CRMP1: variants seen among roughly 807,000 people sequenced by gnomAD.
The protein encoded by CRMP1 is collapsin response mediator protein 1, also known as dihydropyrimidinase-related protein 1.
Under a neutral mutation model 68.3 loss-of-function variants are expected in CRMP1, and 19 were observed. The observed-to-expected ratio is 0.28, with a 90% CI of 0.19 to 0.41. The LOEUF (loss-of-function observed/expected upper bound fraction) is 0.41, where lower values mean the gene tolerates loss of function less well. Among genes scored for constraint, CRMP1 ranks in the 10% least tolerant of loss-of-function variants. CRMP1 has a pLI of 1.00. For missense variants in CRMP1, 791 were observed against 967.4 expected (o/e 0.82, Z 2.42); for synonymous variants, 439 against 399.6 (o/e 1.10, Z -1.18).
Position 5,862,294 on chromosome 4 carries a change from T to G in CRMP1, c.471-1084A>C, listed in dbSNP as rs190604490. On this transcript the variant is annotated intron_variant, in intron 2 of 13. Transcript: ENST00000324989. Reference sequence around the variant, plus strand: ...TTACCCCCAGAATGTCCACTGCCATTGCTTATAATAACCAATCCCTTACCC... The same window carrying G: ...TTACCCCCAGAATGTCCACTGCCATGGCTTATAATAACCAATCCCTTACCC... Among the ~76,000 whole-genome samples the G allele has an allele frequency of 3.6e-3, 534 of 148,154 alleles. 1 individual carries two copies. Among genetic ancestry groups the G allele is most frequent in the Middle Eastern group, 0.017 (5 of 294 alleles).
At chr4:5,857,219 GCAC>G (rs999539419) in intron 3 of CRMP1, among the ~76,000 whole-genome samples, 10 of 144,208 alleles carry the variant, frequency 6.9e-5, no homozygotes, top group Non-Finnish European at 1.2e-4. Flanking sequence ...CCCATCACCA[GCAC>G]CACCATCATC....
chr4:5,841,792 T>C lies in CRMP1; in HGVS notation c.1033-364A>G, dbSNP rs1199707771. On this transcript the variant is annotated intron_variant, in intron 7 of 13. Coordinates refer to ENST00000324989, the MANE Select transcript of CRMP1 (RefSeq NM_001014809.3). This position sits in a 1 kb window ranked among gnomAD's most constrained non-coding sequence, Gnocchi z 6.9. ...AGGACACGGAACCTGTCCACTCATG[T>C]GGACTCATGTCTGTGTCCCCTGTGT... Among the ~76,000 whole-genome samples the C allele has an allele frequency of 2.6e-5, 4 of 152,216 alleles. No homozygotes were observed. The highest frequency in any genetic ancestry group is 7.2e-5 in the African/African-American group (3 of 41,452).
chr4:5,835,201 C>G (rs1720653923), intron 11 of CRMP1, among the ~76,000 whole-genome samples: 1 of 152,246 alleles, frequency 6.6e-6, no homozygotes, highest in Non-Finnish European at 1.5e-5. Context: ...TGTGCTTGCA[C>G]AGACTCCAGT....
intron 13 of CRMP1, among the ~76,000 whole-genome samples, chr4:5,823,075 T>C (rs1718944511): frequency 6.6e-6 from 1 of 152,212 alleles, no homozygotes; most frequent in Non-Finnish European, 1.5e-5. Context: ...TGGCCCCAGG[T>C]AGTTGTCACC....
chr4:5,872,707 A>G lies in CRMP1; in HGVS notation c.382-5951T>C, dbSNP rs754675092. Among the ~76,000 whole-genome samples, 3 of 152,218 alleles carry G rather than the reference A, an allele frequency of 2.0e-5. No homozygotes were observed. The highest frequency in any genetic ancestry group is 1.3e-4 in the Admixed American group (2 of 15,276). On this transcript the variant is annotated intron_variant, in intron 1 of 13. Transcript: ENST00000324989. This position sits in a 1 kb window ranked among gnomAD's most constrained non-coding sequence, Gnocchi z 4.6. ...ATCTCAAAAAACAATTATTATGTATAAACCTTGAAGAAATAAAGCATCTCA... is the reference window on the plus strand; with the variant it reads ...ATCTCAAAAAACAATTATTATGTATGAACCTTGAAGAAATAAAGCATCTCA...
Position 5,888,553 on chromosome 4 carries a change from G to C in CRMP1, c.381+4036C>G. The C allele has an allele frequency of 1.8e-6, 2 of 1,137,600 alleles. No homozygotes were observed. The highest frequency in any genetic ancestry group is 1.6e-5 in the African/African-American group (1 of 61,734). 70.5% of individuals were successfully genotyped at this position (1,137,600 alleles called of 1,614,324 possible). On this transcript the variant is annotated intron_variant, in intron 1 of 13. Transcript: ENST00000324989. This position sits in a 1 kb window ranked among gnomAD's most constrained non-coding sequence, Gnocchi z 6.4. ...GGGGCTGCAGACAGCTCCTCCCGGC[G>C]GCGCGGAGCGAAGCCGGATTCGCCC...
Position 5,877,645 on chromosome 4 carries a change from C to T in CRMP1, c.382-10889G>A, listed in dbSNP as rs771983327. ...AGCCTGAATCTAATTAACACACATT[C>T]GTTCCCCCTCTCACGGGTAGGGGAC... On this transcript the variant is annotated intron_variant, in intron 1 of 13. Transcript: ENST00000324989. The surrounding 1 kb of genome is among the most constrained non-coding windows in gnomAD (Gnocchi z 4.3). 5.3e-5 allele frequency among the ~76,000 whole-genome samples: 8 copies of T among 152,234 alleles called. No individual in the cohort carries two copies. The highest frequency in any genetic ancestry group is 8.8e-5 in the Non-Finnish European group (6 of 68,040).
intron 4 of CRMP1, among the ~76,000 whole-genome samples, chr4:5,852,580 A>C (rs1006633406): frequency 6.6e-6 from 1 of 152,224 alleles, no homozygotes; most frequent in African/African-American, 2.4e-5. Flanking sequence ...GCATGTGCTA[A>C]GCACTTGAGA....
intron 1 of CRMP1, among the ~76,000 whole-genome samples, chr4:5,867,167 A>T (rs756868085): frequency 4.6e-5 from 7 of 152,126 alleles, no homozygotes; most frequent in Non-Finnish European, 1.0e-4. Flanking sequence ...ATCCCAACGA[A>T]CTCAATTAAC....
chr4:5,830,437 T>C (rs1720284488), intron 11 of CRMP1, among the ~76,000 whole-genome samples: 1 of 152,234 alleles, frequency 6.6e-6, no homozygotes, highest in Admixed American at 6.5e-5. Context: ...TTCAAAATTA[T>C]CATTCTTTCA....
rs1715949064 is a variant in CRMP1, at chr4:5,891,513, T to C, written c.381+1076A>G. Among the ~76,000 whole-genome samples the C allele has an allele frequency of 6.6e-6, 1 of 152,174 alleles. No homozygotes were observed. The highest frequency in any genetic ancestry group is 1.5e-5 in the Non-Finnish European group (1 of 68,038). On this transcript the variant is annotated intron_variant, in intron 1 of 13. Transcript: ENST00000324989. The surrounding 1 kb of genome is among the most constrained non-coding windows in gnomAD (Gnocchi z 5.2). ...ATTGAATGCTCACTACCGACCGGCA[T>C]TAACTGATTTAATTCTCACAATGAA... is the stretch of plus-strand genomic sequence containing the variant.
intron 6 of CRMP1, among the ~76,000 whole-genome samples, chr4:5,846,368 G>A (rs555482351): frequency 6.6e-6 from 1 of 152,178 alleles, no homozygotes; most frequent in Non-Finnish European, 1.5e-5. Context: ...GACCATCTCA[G>A]TCAAACTACA....
Position 5,892,890 on chromosome 4 carries a change from G to A in CRMP1, c.80C>T (p.Thr27Ile), listed in dbSNP as rs745500762. 4 of 1,402,060 alleles carry A rather than the reference G, an allele frequency of 2.9e-6. No homozygotes were observed. The highest frequency in any genetic ancestry group is 6.5e-5 in the East Asian group (2 of 30,762). The allele number at this position is 1,402,060 out of a possible 1,614,324, so 86.9% of individuals were successfully genotyped here. The change falls in exon 1 of 14, where the codon ACC becomes ATC. Residue 27 changes from threonine to isoleucine, a missense_variant. Thr to Ile is a moderately conservative substitution (Grantham distance 89). Transcript: ENST00000324989. This position sits in a 1 kb window ranked among gnomAD's most constrained non-coding sequence, Gnocchi z 8.6. ...CATGCCGCCGTACTTCTGGCGCGGGGTCTGCGCCGCGCTGCCCGGCCGCGC... is the reference window on the plus strand; with the variant it reads ...CATGCCGCCGTACTTCTGGCGCGGGATCTGCGCCGCGCTGCCCGGCCGCGC... ...YLARPGSAAQTPRQKYGGMFA... is the reference protein window; with the variant it reads ...YLARPGSAAQIPRQKYGGMFA...
At position 5,891,270 on chromosome 4, in the gene CRMP1, T is replaced by G. The variant is rs564116651; in HGVS notation, c.381+1319A>C. Among the ~76,000 whole-genome samples the G allele has an allele frequency of 1.0e-3, 124 of 120,284 alleles. 3 individuals are homozygous for G. In the South Asian group the frequency reaches 0.037, roughly 36 times the overall value. 78.9% of individuals were successfully genotyped at this position (120,284 alleles called of 152,430 possible). A position where few individuals can be genotyped will look rare whatever the true frequency, so the allele number is the denominator to read the frequency against. On this transcript the variant is annotated intron_variant, in intron 1 of 13. Transcript: ENST00000324989. This position sits in a 1 kb window ranked among gnomAD's most constrained non-coding sequence, Gnocchi z 5.2. ...CCGGCTTCAGGACCACGGAGAGCTC[T>G]GGAGCAACAGCCCGCCCGCGAAGGG... is the stretch of plus-strand genomic sequence containing the variant.
chr4:5,840,187 G>A (rs1165025589), intron 8 of CRMP1, among the ~76,000 whole-genome samples: 1 of 152,202 alleles, frequency 6.6e-6, no homozygotes, highest in Non-Finnish European at 1.5e-5. Flanking sequence ...CTGGCACTCA[G>A]TCCTGCTCGG....
chr4:5,843,508 C>T lies in CRMP1; in HGVS notation c.964-347G>A, dbSNP rs553677337. ...TGCAGGCCTCTCCTCTGGGAAGAAA[C>T]GTGGTGTTTGGGTACAACATGGATA... On this transcript the variant is annotated intron_variant, in intron 6 of 13. Coordinates refer to ENST00000324989, the MANE Select transcript of CRMP1 (RefSeq NM_001014809.3). The surrounding 1 kb of genome is among the most constrained non-coding windows in gnomAD (Gnocchi z 4.1). 5.1e-4 allele frequency among the ~76,000 whole-genome samples: 77 copies of T among 152,224 alleles called. No homozygotes were observed. Among genetic ancestry groups the T allele is most frequent in the African/African-American group, 1.7e-3 (69 of 41,536 alleles).
rs1011139783 is a variant in CRMP1 at position 5,859,860 on chromosome 4, G to C, written c.655+1166C>G. 2.6e-5 allele frequency among the ~76,000 whole-genome samples: 4 copies of C among 152,174 alleles called. No individual in the cohort carries two copies. The highest frequency in any genetic ancestry group is 9.7e-5 in the African/African-American group (4 of 41,432). On this transcript the variant is annotated intron_variant, in intron 3 of 13. Coordinates refer to ENST00000324989, the MANE Select transcript of CRMP1 (RefSeq NM_001014809.3). This position sits in a 1 kb window ranked among gnomAD's most constrained non-coding sequence, Gnocchi z 5.2. Reference sequence around the variant, plus strand: ...AAAGGGACTCCTTTGTGAAGGAGCGGGAGAGATGGGCAGGGTTGGGGCCAG... The same window carrying C: ...AAAGGGACTCCTTTGTGAAGGAGCGCGAGAGATGGGCAGGGTTGGGGCCAG...
chr4:5,822,354 G>A (rs1718758591), intron 13 of CRMP1, among the ~76,000 whole-genome samples: 1 of 152,100 alleles, frequency 6.6e-6, no homozygotes, highest in Non-Finnish European at 1.5e-5. Context: ...ATGATCTTAG[G>A]CACACTGTCC....
At position 5,843,968 on chromosome 4, in the gene CRMP1, A is replaced by G. The variant is rs1235338081; in HGVS notation, c.964-807T>C. Among the ~76,000 whole-genome samples, 4 of 136,080 alleles carry G rather than the reference A, an allele frequency of 2.9e-5. No homozygotes were observed. Among genetic ancestry groups the G allele is most frequent in the African/African-American group, 1.2e-4 (4 of 33,338 alleles). The allele number at this position is 136,080 out of a possible 152,430, so 89.3% of individuals were successfully genotyped here. A position where few individuals can be genotyped will look rare whatever the true frequency, so the allele number is the denominator to read the frequency against. On this transcript the variant is annotated intron_variant, in intron 6 of 13. Coordinates refer to ENST00000324989, the MANE Select transcript of CRMP1 (RefSeq NM_001014809.3). This position sits in a 1 kb window ranked among gnomAD's most constrained non-coding sequence, Gnocchi z 4.1. The stretch of plus-strand genomic sequence containing the variant: ...GAACACTTTAATTTCTAAAATAAAA[A>G]ATAAAAAAAAAATTTGACATTGCCC...
Sources: allele counts gnomAD v4.1 joint callset (sites outside exome capture counted in the v4.1 genomes callset), GRCh38; gene constraint gnomAD v4.1.1; non-coding constraint Gnocchi (gnomAD v3.1); transcripts MANE v1.5; gene names NCBI Gene and HGNC (gene_info 2026-07-23, HGNC 2026-07-21).